IP6K2: variants seen among roughly 807,000 people sequenced by gnomAD.
IP6K2 encodes the protein ATP:1D-myo-inositol-hexakisphosphate phosphotransferase.
Under a neutral mutation model 43.3 loss-of-function variants are expected in IP6K2, and 9 were observed. The observed-to-expected ratio is 0.21, with a 90% CI of 0.13 to 0.36. The LOEUF (loss-of-function observed/expected upper bound fraction) is 0.36, where lower values mean the gene tolerates loss of function less well. Among genes scored for constraint, IP6K2 ranks in the 10% least tolerant of loss-of-function variants. The pLI, the probability that IP6K2 is intolerant of heterozygous loss-of-function variation, is 1.00. For missense variants in IP6K2, 332 were observed against 538.4 expected, an observed-to-expected ratio of 0.62 and a Z score of 3.79; for synonymous variants, 209 against 202.4, an observed-to-expected ratio of 1.03 and a Z score of -0.28.
intron 1 of IP6K2, among the ~76,000 whole-genome samples, chr3:48,698,093 G>C (rs1363728405): frequency 1.3e-5 from 2 of 152,282 alleles, no homozygotes; most frequent in Middle Eastern, 3.4e-3. Context: ...ACAGGCAATG[G>C]AACTGTAAAT....
At chr3:48,711,629 C>T (rs2080526449) in intron 1 of IP6K2, among the ~76,000 whole-genome samples, 1 of 152,180 alleles carries the variant, frequency 6.6e-6, no homozygotes, top group Non-Finnish European at 1.5e-5. Context: ...TACTGCCTTA[C>T]AGGTAAAACT....
chr3:48,715,058 A>T (rs904602516), intron 1 of IP6K2, among the ~76,000 whole-genome samples: 1 of 152,162 alleles, frequency 6.6e-6, no homozygotes, highest in African/African-American at 2.4e-5. Flanking sequence ...TTGCCACCAG[A>T]ATATACTGTA....
rs562767061 is a variant in IP6K2, at chr3:48,688,848, T to G, written c.781-75A>C. The G allele has an allele frequency of 2.7e-5, 40 of 1,499,298 alleles. No homozygotes were observed. In the South Asian group the frequency reaches 3.7e-4, roughly 14 times the overall value. 92.9% of individuals were successfully genotyped at this position (1,499,298 alleles called of 1,614,324 possible). A position where few individuals can be genotyped will look rare whatever the true frequency, so the allele number is the denominator to read the frequency against. ...TGGACCCCGGGCGGGGGTGGGGTGG[T>G]GTGGTGGTGGCGGCATGTGACAGCC... is the stretch of plus-strand genomic sequence containing the variant. On this transcript the variant is annotated intron_variant, in intron 5 of 5. Transcript: ENST00000328631. The surrounding 1 kb of genome is among the most constrained non-coding windows in gnomAD (Gnocchi z 5.1).
At chr3:48,697,244 T>C (rs918999867) in intron 1 of IP6K2, among the ~76,000 whole-genome samples, 9 of 151,598 alleles carry the variant, frequency 5.9e-5, no homozygotes, top group African/African-American at 2.2e-4. Context: ...ATGGTCTTGA[T>C]CTCCTGACCT....
rs1247734254 is a variant in IP6K2 at position 48,689,573 on chromosome 3, A to G, written c.745T>C (p.Ser249Pro). 1 of 1,614,030 alleles carries G rather than the reference A, an allele frequency of 6.2e-7. No individual in the cohort carries two copies. The change falls in exon 5 of 6, where the codon TCT (serine) becomes CCT (proline). Residue 249 changes from serine to proline, a missense_variant. Ser to Pro is a moderately conservative substitution (Grantham distance 74). Transcript: ENST00000328631. The stretch of plus-strand genomic sequence containing the variant: ...CACACACGCACACCAATGACTGCAG[A>G]TGTGCTCTGCTGACATTTTCGGATC... ...NQIRKCQQST[S>P]AVIGVRVCGM...
intron 2 of IP6K2, chr3:48,693,746 C>T (rs546035320): frequency 4.8e-6 from 5 of 1,037,076 alleles, no homozygotes; most frequent in Non-Finnish European, 5.8e-6. Context: ...TGCCCCCACA[C>T]GGGTAGGCAC....
At chr3:48,693,979 C>T (rs760804799) in intron 2 of IP6K2, 140 of 1,385,168 alleles carry the variant, frequency 1.0e-4, no homozygotes, top group Non-Finnish European at 1.2e-4. Context: ...CAGGTGCCGA[C>T]GAGCGCCTTA....
At chr3:48,715,186 T>C (rs2081053582) in intron 1 of IP6K2, 1 of 983,338 alleles carries the variant, frequency 1.0e-6, no homozygotes, top group South Asian at 1.4e-5. Flanking sequence ...ATCTGCTTAC[T>C]TTCTAATGTA....
intron 1 of IP6K2, among the ~76,000 whole-genome samples, chr3:48,710,384 C>T (rs2080343948): frequency 6.6e-6 from 1 of 152,032 alleles, no homozygotes; most frequent in Admixed American, 6.6e-5. Context: ...AGAGTGAGAC[C>T]CTGTCTCTAA....
intron 1 of IP6K2, among the ~76,000 whole-genome samples, chr3:48,712,053 G>A (rs2080585511): frequency 6.6e-6 from 1 of 152,088 alleles, no homozygotes. Flanking sequence ...TTGGAGTTAG[G>A]TTAATCCCCA....
intron 4 of IP6K2, among the ~76,000 whole-genome samples, chr3:48,691,002 C>T (rs2077735508): frequency 6.6e-6 from 1 of 152,078 alleles, no homozygotes; most frequent in Admixed American, 6.5e-5. Context: ...CAGCTCCTTG[C>T]CCTCTTCCTC....
In IP6K2 at chr3:48,693,177, C is replaced by T. The variant is rs899611403; in HGVS notation, c.205G>A (p.Val69Met). 6.2e-7 allele frequency: 1 copy of T among 1,612,504 alleles called. No individual in the cohort carries two copies. The highest frequency in any genetic ancestry group is 2.2e-5 in the East Asian group (1 of 44,872). Residue 69 changes from valine to methionine, a missense_variant and splice_region_variant, in exon 3 of 6, where the codon GTG becomes ATG. Physicochemically the swap from Val to Met is conservative, Grantham distance 21. Transcript: ENST00000328631. ...MRKFTPQYKG[V>M]VSVRFEEDED... Reference sequence around the variant, plus strand: ...TCTTCTTCAAAGCGCACAGATACCACACCTGGAAGGGGGTGAGGAGCAGAA... The same window carrying T: ...TCTTCTTCAAAGCGCACAGATACCATACCTGGAAGGGGGTGAGGAGCAGAA...
intron 1 of IP6K2, among the ~76,000 whole-genome samples, chr3:48,715,918 T>C (rs2081143288): frequency 6.7e-6 from 1 of 148,648 alleles, no homozygotes; most frequent in South Asian, 2.1e-4. Flanking sequence ...GTTAACAGTT[T>C]AACTTTTTCT....
intron 1 of IP6K2, among the ~76,000 whole-genome samples, chr3:48,705,106 T>C (rs2079556580): frequency 6.6e-6 from 1 of 152,176 alleles, no homozygotes; most frequent in East Asian, 1.9e-4. Flanking sequence ...CACACCCGGC[T>C]AATTTTTTGT....
intron 1 of IP6K2, among the ~76,000 whole-genome samples, chr3:48,704,198 T>A (rs762391847): frequency 1.5e-4 from 23 of 152,236 alleles, no homozygotes; most frequent in Non-Finnish European, 2.6e-4. Context: ...TCTGAAAGGA[T>A]GTCTTGTGGG....
chr3:48,692,190 A>C (rs1184405559), intron 3 of IP6K2, among the ~76,000 whole-genome samples: 2 of 152,216 alleles, frequency 1.3e-5, no homozygotes, highest in Non-Finnish European at 2.9e-5. Flanking sequence ...CTTACCGTGT[A>C]AACATCTGCC....
chr3:48,693,982 GCGC>G, intron 2 of IP6K2: 2 of 1,381,742 alleles, frequency 1.4e-6, no homozygotes, highest in Non-Finnish European at 9.4e-7. Flanking sequence ...GTGCCGACGA[GCGC>G]CTTACAAACG....
At chr3:48,694,958 A>C in intron 2 of IP6K2, 132 bp downstream of exon 2, 1 of 1,582,816 alleles carries the variant, frequency 6.3e-7, no homozygotes, top group East Asian at 2.3e-5. Context: ...GAGGAGGAGA[A>C]GGAGGAGAGG....
At chr3:48,700,016 C>T (rs1386535746) in intron 1 of IP6K2, among the ~76,000 whole-genome samples, 1 of 152,162 alleles carries the variant, frequency 6.6e-6, no homozygotes, top group African/African-American at 2.4e-5. Flanking sequence ...GTAGTGAGAC[C>T]TCAACTCTAT....
Sources: gnomAD v4.1 joint callset for allele counts (sites outside exome capture counted in the v4.1 genomes callset) on GRCh38, gnomAD v4.1.1 for gene constraint, Gnocchi (gnomAD v3.1) non-coding constraint, MANE v1.5 for transcripts, NCBI Gene and HGNC (gene_info 2026-07-23, HGNC 2026-07-21) for gene names.